HTR1D: variants seen among roughly 807,000 people sequenced by gnomAD.
HTR1D encodes the protein 5-HT-1D.
Under a neutral mutation model 21.1 loss-of-function variants are expected in HTR1D, and 18 were observed. The ratio of observed to expected loss-of-function variants is 0.85; its 90% CI spans 0.59 to 1.27. The LOEUF is 1.27. HTR1D is among the 50% of genes most tolerant of loss of function. The pLI is 0.00. For synonymous variants in HTR1D, 196 were observed against 204.4 expected (o/e 0.96, Z 0.35); for missense variants, 456 against 481.4 (o/e 0.95, Z 0.49).
chr1:23,194,293 C>G lies in HTR1D; in HGVS notation c.-74G>C, dbSNP rs539690985. 2.2e-6 allele frequency: 3 copies of G among 1,374,900 alleles called. No homozygotes were observed. The African/African-American group carries it at 4.3e-5, about 20-fold the overall frequency. 85.2% of individuals were successfully genotyped at this position (1,374,900 alleles called of 1,614,324 possible). On this transcript the variant is annotated 5_prime_UTR_variant, in exon 2 of 2. Transcript: ENST00000374619. ...CTTCAAGGTTGTCCTGACAACAGAG[C>G]AAAGTCATCCTTCTGCTTCACACTG...
Position 23,192,835 on chromosome 1 carries a change from C to CAAAA in HTR1D, c.*247_*250dup, listed in dbSNP as rs35477602. On this transcript the variant is annotated 3_prime_UTR_variant, in exon 2 of 2. Transcript: ENST00000374619. Reference sequence around the variant, plus strand: ...CTGGCGAGAGGGCAAGACTCCGTCTCAAAAAAAAAAAAAAAGAAAGAAAAT... The same window carrying CAAAA: ...CTGGCGAGAGGGCAAGACTCCGTCTCAAAAAAAAAAAAAAAAAAAGAAAGAAAAT... 34 of 143,894 alleles carry CAAAA rather than the reference C, an allele frequency of 2.4e-4. No individual in the cohort carries two copies. Among genetic ancestry groups the CAAAA allele is most frequent in the South Asian group, 7.4e-4 (4 of 5,430 alleles). 8.9% of individuals were successfully genotyped at this position (143,894 alleles called of 1,614,324 possible).
chr1:23,213,264 C>T (rs1265833930), intron 1 of HTR1D, among the ~76,000 whole-genome samples: 1 of 151,852 alleles, frequency 6.6e-6, no homozygotes, highest in East Asian at 1.9e-4. Flanking sequence ...GCTGGCGGAT[C>T]ATGAGGTCAG....
intron 1 of HTR1D, among the ~76,000 whole-genome samples, chr1:23,208,007 C>T (rs1454835221): frequency 6.6e-6 from 1 of 152,136 alleles, no homozygotes; most frequent in Non-Finnish European, 1.5e-5. Flanking sequence ...AGGTGATCCG[C>T]CCACCTTGGC....
rs182887528 is a variant in HTR1D at position 23,193,674 on chromosome 1, C to T, written c.546G>A (p.Gln182=). 1.3e-4 allele frequency: 215 copies of T among 1,613,422 alleles called. 3 individuals carry two copies. The East Asian group carries it at 4.5e-3, about 33-fold the overall frequency. ...TCACCAGACAGTCCGACATCTCCTC[C>T]TGGGCCTTGGCCTGCCGCCAGAAGA... ...PPLFWRQAKA[Q]EEMSDCLVNT... is the part of the protein sequence containing the mutation. Residue 182 remains glutamine, a synonymous_variant, in exon 2 of 2, where the codon CAG becomes CAA. Transcript: ENST00000374619.
chr1:23,215,371 C>T (rs1274438149), intron 1 of HTR1D, among the ~76,000 whole-genome samples: 1 of 148,030 alleles, frequency 6.8e-6, no homozygotes, highest in African/African-American at 2.5e-5. Flanking sequence ...GAGCCATGAT[C>T]ACACCACTAC....
intron 1 of HTR1D, among the ~76,000 whole-genome samples, chr1:23,197,756 G>A (rs543978704): frequency 6.6e-6 from 1 of 151,900 alleles, no homozygotes; most frequent in African/African-American, 2.4e-5. Flanking sequence ...GACAATGAAG[G>A]CTGGGTGTGG....
intron 1 of HTR1D, among the ~76,000 whole-genome samples, chr1:23,196,605 A>G (rs1644689906): frequency 6.6e-6 from 1 of 152,104 alleles, no homozygotes; most frequent in African/African-American, 2.4e-5. Context: ...TCCAAAACAT[A>G]TATTACAGTT....
At chr1:23,211,666 T>C (rs1255161485) in intron 1 of HTR1D, among the ~76,000 whole-genome samples, 1 of 151,920 alleles carries the variant, frequency 6.6e-6, no homozygotes, top group Admixed American at 6.6e-5. Flanking sequence ...TGTATTTTTA[T>C]TTATTTATTT....
chr1:23,196,904 C>G (rs1191113504), intron 1 of HTR1D, among the ~76,000 whole-genome samples: 1 of 152,174 alleles, frequency 6.6e-6, no homozygotes, highest in African/African-American at 2.4e-5. Context: ...ATGACCCCCT[C>G]CTGCCCCCAC....
intron 1 of HTR1D, among the ~76,000 whole-genome samples, chr1:23,204,130 CTT>C (rs565071882): frequency 2.0e-4 from 29 of 146,736 alleles, no homozygotes; most frequent in African/African-American, 4.7e-4. Flanking sequence ...TACCCAGTCT[CTT>C]TTTTTTTTTT....
chr1:23,204,837 C>G (rs1452014568), intron 1 of HTR1D, among the ~76,000 whole-genome samples: 2 of 152,182 alleles, frequency 1.3e-5, no homozygotes, highest in Non-Finnish European at 2.9e-5. Flanking sequence ...GCCTCTCACA[C>G]AACCAGCAGA....
intron 1 of HTR1D, among the ~76,000 whole-genome samples, chr1:23,196,741 G>A (rs761948194): frequency 2.6e-5 from 4 of 152,106 alleles, no homozygotes; most frequent in East Asian, 1.9e-4. Flanking sequence ...ATAATGACCC[G>A]ACCAATGCTC....
In HTR1D at chr1:23,194,049, G is replaced by T; in HGVS notation, c.171C>A (p.Ala57=). 1 of 1,614,176 alleles carries T rather than the reference G, an allele frequency of 6.2e-7. No homozygotes were observed. The highest frequency in any genetic ancestry group is 8.5e-7 in the Non-Finnish European group (1 of 1,180,042). The change falls in exon 2 of 2, where the codon GCC becomes GCA. Residue 57 remains alanine (A), a synonymous_variant. Transcript: ENST00000374619. ...TGAGTAAGATGGTGGTGAGTACAAA[G>T]GCATTGGAGAGGACTGTGGCCAGTG... ...VITLATVLSN[A]FVLTTILLTR...
intron 1 of HTR1D, among the ~76,000 whole-genome samples, chr1:23,212,836 T>C (rs1296842441): frequency 6.6e-6 from 1 of 151,088 alleles, no homozygotes; most frequent in African/African-American, 2.5e-5. Flanking sequence ...CTTTTTTTTT[T>C]TTTTCTTAAG....
Position 23,194,414 on chromosome 1 carries a change from T to C in HTR1D, c.-195A>G, listed in dbSNP as rs193082299. On this transcript the variant is annotated 5_prime_UTR_variant, in exon 2 of 2. Transcript: ENST00000374619. ...GCAATAAAATAAAATTAAATAACAA[T>C]AATAATAATAATATTAAACAAGACC... is the stretch of plus-strand genomic sequence containing the variant. The C allele has an allele frequency of 5.4e-5, 21 of 388,804 alleles. No individual in the cohort carries two copies. The East Asian group carries it at 5.7e-4, about 11-fold the overall frequency. 24.1% of individuals were successfully genotyped at this position (388,804 alleles called of 1,614,324 possible).
rs1051030895 is a variant in HTR1D, at chr1:23,194,109, G to A, written c.111C>T (p.Leu37=). The stretch of plus-strand genomic sequence containing the variant: ...AAAGGACCACGGCAAGGGAGATCTT[G>A]AGCGCCTGGAGGGTCCTGGGATCCC... ...EAWDPRTLQA[L]KISLAVVLSV... is the part of the protein sequence containing the mutation. The change falls in exon 2 of 2, where the codon CTC becomes CTT. Residue 37 remains leucine, a synonymous_variant. Coordinates refer to ENST00000374619, the MANE Select transcript of HTR1D (RefSeq NM_000864.5). 2 of 1,614,044 alleles carry A rather than the reference G, an allele frequency of 1.2e-6. No homozygotes were observed. Among genetic ancestry groups the A allele is most frequent in the Admixed American group, 3.3e-5 (2 of 59,998 alleles).
chr1:23,213,984 T>C (rs1644763879), intron 1 of HTR1D, among the ~76,000 whole-genome samples: 4 of 152,220 alleles, frequency 2.6e-5, no homozygotes, highest in Admixed American at 2.0e-4. Flanking sequence ...GTGTCTCTCA[T>C]TGCCTACTGC....
At chr1:23,209,751 T>G (rs1644746242) in intron 1 of HTR1D, among the ~76,000 whole-genome samples, 1 of 152,174 alleles carries the variant, frequency 6.6e-6, no homozygotes, top group South Asian at 2.1e-4. Flanking sequence ...GATAGGGCAC[T>G]GTGGATCTAG....
chr1:23,209,497 G>C (rs75180762), intron 1 of HTR1D, among the ~76,000 whole-genome samples: 75 of 151,650 alleles, frequency 4.9e-4, no homozygotes, highest in African/African-American at 1.0e-3. Flanking sequence ...GGGACAGTAG[G>C]GGGGGAGGGC....
Sources: allele counts gnomAD v4.1 joint callset (sites outside exome capture counted in the v4.1 genomes callset), GRCh38; gene constraint gnomAD v4.1.1; transcripts MANE v1.5; gene names NCBI Gene and HGNC (gene_info 2026-07-23, HGNC 2026-07-21).